HNRNPA3: variants seen among roughly 807,000 people sequenced by gnomAD.
HNRNPA3 encodes the protein heterogeneous nuclear ribonucleoprotein A3.
In HNRNPA3, 3 loss-of-function variants were observed where a neutral mutation model predicts 45.8. The ratio of observed to expected loss-of-function variants is 0.07; its 90% CI spans 0.03 to 0.17. HNRNPA3 has a LOEUF of 0.17. Ranked by LOEUF, HNRNPA3 falls within the 10% of genes least tolerant of loss-of-function variation. The pLI is 1.00. For synonymous variants in HNRNPA3, 170 were observed against 155.6 expected, an observed-to-expected ratio of 1.09 and a Z score of -0.69; for missense variants, 183 against 480.3, an observed-to-expected ratio of 0.38 and a Z score of 5.79.
At chr2:177,217,583 C>A in intron 7 of HNRNPA3, 122 bp from the exon 8 acceptor site, 2 of 1,172,070 alleles carry the variant, frequency 1.7e-6, no homozygotes, top group Non-Finnish European at 2.5e-6. Flanking sequence ...GCTGTGGTTG[C>A]ACCACTGTAC....
downstream of HNRNPA3, chr2:177,222,976 GAATT>G (rs1689249170): frequency 1.3e-5 from 2 of 152,486 alleles, no homozygotes; most frequent in Non-Finnish European, 2.9e-5. Context: ...AAAGAACACT[GAATT>G]ACCGTTCAAA....
intron 8 of HNRNPA3, among the ~76,000 whole-genome samples, chr2:177,218,058 T>C (rs1034958589): frequency 5.9e-4 from 9 of 15,368 alleles, no homozygotes; most frequent in African/African-American, 7.1e-4. Flanking sequence ...TTTTCTTTTT[T>C]TTTTTTTTTT....
chr2:177,213,106 C>T (rs1035066142), intron 1 of HNRNPA3, among the ~76,000 whole-genome samples: 3 of 152,086 alleles, frequency 2.0e-5, no homozygotes, highest in Admixed American at 2.0e-4. Flanking sequence ...GTCGGGGAGG[C>T]CTCGGGAGGG....
intron 4 of HNRNPA3, 122 bp downstream of exon 4, chr2:177,216,310 T>G (rs1393796881): frequency 1.3e-6 from 1 of 749,172 alleles, no homozygotes; most frequent in Admixed American, 2.7e-5. Context: ...ATAGTCAATT[T>G]TCATAGTGTC....
chr2:177,215,452 T>C, intron 1 of HNRNPA3, 87 bp from the exon 2 acceptor site: 1 of 1,335,256 alleles, frequency 7.5e-7, no homozygotes, highest in Non-Finnish European at 1.1e-6. Context: ...GATGTTGATT[T>C]TATTACTTAC....
chr2:177,217,947 A>G, intron 8 of HNRNPA3, 102 bp downstream of exon 8: 1 of 1,166,508 alleles, frequency 8.6e-7, no homozygotes, highest in South Asian at 1.8e-5. Flanking sequence ...ATCAAATTTT[A>G]TGTTCTATAA....
exon 1 of HNRNPA3, chr2:177,212,819 C>T (rs1688738308): frequency 3.2e-6 from 5 of 1,564,880 alleles, no homozygotes; most frequent in Non-Finnish European, 3.5e-6. Context: ...AAACCGCCGC[C>T]CGGTCGCCCC....
chr2:177,216,826 ATAT>A (rs768463622), intron 6 of HNRNPA3, 31 bp from the exon 7 acceptor site: 3 of 1,612,936 alleles, frequency 1.9e-6, no homozygotes. Context: ...TAAGTTGAAT[ATAT>A]TATTTTAATT....
chr2:177,220,117 AAAT>A (rs1307481580), downstream of HNRNPA3: 1 of 152,680 alleles, frequency 6.5e-6, no homozygotes, highest in South Asian at 2.1e-4. Flanking sequence ...AAATGAAAAA[AAAT>A]CTCAAAATTT....
intron 1 of HNRNPA3, among the ~76,000 whole-genome samples, chr2:177,213,521 GT>G (rs955519656): frequency 6.6e-6 from 1 of 152,178 alleles, no homozygotes; most frequent in African/African-American, 2.4e-5. Flanking sequence ...GCAGCATCCT[GT>G]TGGAAATACG....
chr2:177,216,245 G>T, intron 4 of HNRNPA3, 57 bp downstream of exon 4: 1 of 1,231,006 alleles, frequency 8.1e-7, no homozygotes. Context: ...TTTCTGTTTT[G>T]AACTAAATTT....
chr2:177,221,525 T>G (rs554951163), downstream of HNRNPA3: 1 of 152,770 alleles, frequency 6.5e-6, no homozygotes, highest in South Asian at 2.1e-4. Flanking sequence ...TAAGTTGATG[T>G]TTACAACCTA....
intron 7 of HNRNPA3, 130 bp from the exon 8 acceptor site, chr2:177,217,575 T>G (rs749188618): frequency 4.7e-6 from 5 of 1,064,716 alleles, no homozygotes; most frequent in Non-Finnish European, 7.2e-6. Context: ...GCTGCATTGC[T>G]GTGGTTGCAC....
At chr2:177,217,295 G>T (rs1160198925) in intron 7 of HNRNPA3, among the ~76,000 whole-genome samples, 1 of 152,062 alleles carries the variant, frequency 6.6e-6, no homozygotes, top group African/African-American at 2.4e-5. Flanking sequence ...ATTATTATTA[G>T]GTATTACCAG....
At chr2:177,220,164 T>C (rs1235197250), downstream of HNRNPA3, 1 of 152,692 alleles carries the variant, frequency 6.5e-6, no homozygotes, top group Non-Finnish European at 1.5e-5. Context: ...TTTTAAAATG[T>C]AATCATATGA....
chr2:177,217,605 C>A, intron 7 of HNRNPA3, 100 bp from the exon 8 acceptor site: 1 of 1,452,526 alleles, frequency 6.9e-7, no homozygotes, highest in Non-Finnish European at 9.6e-7. Flanking sequence ...TGAGCCCGGG[C>A]AACAGAGCAA....
exon 3 of HNRNPA3, chr2:177,215,850 A>G: frequency 6.2e-7 from 1 of 1,607,732 alleles, no homozygotes; most frequent in Non-Finnish European, 8.5e-7. Flanking sequence ...CGACCACACA[A>G]GGTTGATGGG....
At chr2:177,216,272 C>A in intron 4 of HNRNPA3, 84 bp downstream of exon 4, 1 of 951,158 alleles carries the variant, frequency 1.1e-6, no homozygotes, top group South Asian at 1.5e-5. Flanking sequence ...TTGTAATTTT[C>A]TGTTGCGTGT....
At chr2:177,221,368 G>A (rs1259298636), downstream of HNRNPA3, 1 of 152,420 alleles carries the variant, frequency 6.6e-6, no homozygotes, top group Non-Finnish European at 1.5e-5. Context: ...AAGTTTAAAG[G>A]AATGGGGGAG....
Sources: gnomAD v4.1 joint callset for allele counts (sites outside exome capture counted in the v4.1 genomes callset) on GRCh38, gnomAD v4.1.1 for gene constraint, MANE v1.5 for transcripts, NCBI Gene and HGNC (gene_info 2026-07-23, HGNC 2026-07-21) for gene names.